Variants in URB1 observed in about 807,000 individuals in gnomAD.
The protein encoded by URB1 is nucleolar pre-ribosomal-associated protein 1.
Under a neutral mutation model 242.3 loss-of-function variants are expected in URB1, and 197 were observed. The ratio of observed to expected loss-of-function variants is 0.81; its 90% CI spans 0.72 to 0.91. URB1 has a LOEUF of 0.91. URB1 is among the 40% of genes least tolerant of loss of function. URB1 has a pLI of 0.00. For synonymous variants in URB1, 1,153 were observed against 1,201.8 expected, an observed-to-expected ratio of 0.96 and a Z score of 0.84; for missense variants, 2,721 against 2,860.5, an observed-to-expected ratio of 0.95 and a Z score of 1.11.
chr21:32,350,436 G>A (rs1427507556), intron 20 of URB1, among the ~76,000 whole-genome samples: 1 of 152,218 alleles, frequency 6.6e-6, no homozygotes, highest in African/African-American at 2.4e-5. Context: ...CAAAGGCCCG[G>A]CAGGGCTGCC....
At chr21:32,370,989 T>G (rs1043099813) in intron 8 of URB1, among the ~76,000 whole-genome samples, 1 of 152,138 alleles carries the variant, frequency 6.6e-6, no homozygotes, top group African/African-American at 2.4e-5. Context: ...AATCTGATAA[T>G]GAACAAGCAA....
intron 21 of URB1, 93 bp downstream of exon 21, chr21:32,349,211 A>G: frequency 7.1e-7 from 1 of 1,409,974 alleles, no homozygotes; most frequent in Non-Finnish European, 9.3e-7. Flanking sequence ...CAATTTTCCC[A>G]CAATGGACCT....
rs571286620 is a variant in URB1, at chr21:32,392,975, C to T, written c.-65G>A. 2.2e-4 allele frequency: 312 copies of T among 1,419,864 alleles called. No individual in the cohort carries two copies. The highest frequency in any genetic ancestry group is 2.7e-4 in the Non-Finnish European group (291 of 1,087,212). The allele number at this position is 1,419,864 out of a possible 1,614,324, so 88.0% of individuals were successfully genotyped here. A position where few individuals can be genotyped will look rare whatever the true frequency, so the allele number is the denominator to read the frequency against. ...AGGGGACCCGGCAGGAGCACTGGCA[C>T]AGACAGCAGACACGCGCTTCAGGCC... On this transcript the variant is annotated 5_prime_UTR_variant, in exon 1 of 39. The change creates a new upstream start codon in the 5' untranslated region. Coordinates refer to ENST00000382751, the MANE Select transcript of URB1 (RefSeq NM_014825.3).
At chr21:32,379,782 G>T (rs2146050588) in intron 4 of URB1, among the ~76,000 whole-genome samples, 1 of 152,264 alleles carries the variant, frequency 6.6e-6, no homozygotes, top group South Asian at 2.1e-4. Context: ...TTGAGGTTAG[G>T]AGTTCGAAAC....
intron 4 of URB1, among the ~76,000 whole-genome samples, chr21:32,381,366 A>G (rs1167639139): frequency 6.6e-6 from 1 of 151,970 alleles, no homozygotes; most frequent in East Asian, 1.9e-4. Context: ...AATATTATCT[A>G]TAACCCTCCT....
intron 6 of URB1, among the ~76,000 whole-genome samples, chr21:32,374,854 A>C (rs893322855): frequency 6.6e-6 from 1 of 152,224 alleles, no homozygotes; most frequent in African/African-American, 2.4e-5. Context: ...TCTTTAAAAT[A>C]CTTCGAAAAT....
chr21:32,346,982 C>T lies in URB1; in HGVS notation c.3842G>A (p.Arg1281Gln), dbSNP rs758585848. Residue 1281 changes from arginine (R) to glutamine (Q), a missense_variant, in exon 22 of 39, where the codon CGG (arginine) becomes CAG (glutamine). Arg to Gln is a conservative substitution (Grantham distance 43, BLOSUM62 1). Transcript: ENST00000382751. ...LIHVYLQCRT[R>Q]SHFTRPAGVS... ...TCCTGCTGGGCGTGTGAAGTGGCTC[C>T]GTGTCCTGCACTGGAGGTACACATG... The T allele has an allele frequency of 6.5e-6, 10 of 1,526,908 alleles. No homozygotes were observed. Among genetic ancestry groups the T allele is most frequent in the Admixed American group, 4.0e-5 (2 of 49,870 alleles). 94.6% of individuals were successfully genotyped at this position (1,526,908 alleles called of 1,614,324 possible).
rs1426943061 is a variant in URB1, at chr21:32,347,767, C to A, written c.3057G>T (p.Leu1019=). 3 of 1,548,474 alleles carry A rather than the reference C, an allele frequency of 1.9e-6. No homozygotes were observed. The South Asian group carries it at 3.6e-5, about 18-fold the overall frequency. ...VLVAILRHPT[L]EGWFLALEQQ... ...GCTCCAGGGCCAGGAACCAGCCCTC[C>A]AGGGTGGGGTGCCTGAGGATGGCCA... is the stretch of plus-strand genomic sequence containing the variant. The change falls in exon 22 of 39, where the codon CTG becomes CTT. Residue 1019 remains leucine (L), a synonymous_variant. Transcript: ENST00000382751.
In URB1 at chr21:32,312,217, A is replaced by G. The variant is rs1249650559; in HGVS notation, c.*2701T>C. ...GTTGCTGAGTTTATTGAGCACACCT[A>G]GCCTGCTTGCTTACTGCTTATATTT... On this transcript the variant is annotated 3_prime_UTR_variant, in exon 39 of 39. Coordinates refer to ENST00000382751, the MANE Select transcript of URB1 (RefSeq NM_014825.3). 1.9e-5 allele frequency: 27 copies of G among 1,455,476 alleles called. No individual in the cohort carries two copies. The highest frequency in any genetic ancestry group is 2.4e-5 in the Admixed American group (1 of 41,212). 90.2% of individuals were successfully genotyped at this position (1,455,476 alleles called of 1,614,324 possible). A position where few individuals can be genotyped will look rare whatever the true frequency, so the allele number is the denominator to read the frequency against.
chr21:32,324,415 G>A (rs1038282513), intron 32 of URB1, 76 bp downstream of exon 32: 1 of 1,216,734 alleles, frequency 8.2e-7, no homozygotes, highest in Non-Finnish European at 1.2e-6. Flanking sequence ...CTATACCTGT[G>A]GGACTAATCC....
At chr21:32,333,449 T>G in intron 29 of URB1, 30 bp from the exon 30 acceptor site, 2 of 1,508,408 alleles carry the variant, frequency 1.3e-6, no homozygotes, top group Non-Finnish European at 1.8e-6. Flanking sequence ...CAAAAACGTG[T>G]GATTCAACCT....
rs371710252 is a variant in URB1, at chr21:32,311,404, C to CT, written c.*3513dup. The CT allele has an allele frequency of 1.6e-4, 69 of 440,376 alleles. No individual in the cohort carries two copies. The highest frequency in any genetic ancestry group is 1.3e-3 in the African/African-American group (67 of 50,886). The allele number at this position is 440,376 out of a possible 1,614,324, so 27.3% of individuals were successfully genotyped here. A position where few individuals can be genotyped will look rare whatever the true frequency, so the allele number is the denominator to read the frequency against. On this transcript the variant is annotated 3_prime_UTR_variant, in exon 39 of 39. Coordinates refer to ENST00000382751, the MANE Select transcript of URB1 (RefSeq NM_014825.3). The stretch of plus-strand genomic sequence containing the variant: ...CTGGATGGGAGGTCAACCTGCTCCC[C>CT]TCCACCCCCCACCCCCCCCATCCTA...
chr21:32,318,986 C>T lies in URB1; in HGVS notation c.5792+231G>A, dbSNP rs191412166. On this transcript the variant is annotated intron_variant, in intron 36 of 38. Coordinates refer to ENST00000382751, the MANE Select transcript of URB1 (RefSeq NM_014825.3). ...AATGTTAACAAGTATGTTAAGTTCT[C>T]GGGGTCTTGACAAGAAGCTTTATAA... Among the ~76,000 whole-genome samples the T allele has an allele frequency of 3.1e-4, 47 of 152,156 alleles. 1 individual carries two copies. The highest frequency in any genetic ancestry group is 5.4e-4 in the Non-Finnish European group (37 of 68,000).
At chr21:32,359,650 G>A (rs57832593) in intron 14 of URB1, 146 bp downstream of exon 14, 2 of 666,568 alleles carry the variant, frequency 3.0e-6, no homozygotes, top group Admixed American at 7.4e-5. Flanking sequence ...CAGGACCTCT[G>A]CTGTGGGTCT....
At chr21:32,376,141 A>C (rs772964705) in intron 5 of URB1, among the ~76,000 whole-genome samples, 2 of 152,230 alleles carry the variant, frequency 1.3e-5, no homozygotes, top group Non-Finnish European at 2.9e-5. Flanking sequence ...TAACAAACTA[A>C]TACAATTTCT....
At position 32,348,219 on chromosome 21, in the gene URB1, T is replaced by A. The variant is rs566485520; in HGVS notation, c.3013-408A>T. ...AACACCACCATGTGAGTAAGATCAA[T>A]CAGCTGCTGGCTTCTCCTCAGCGGC... On this transcript the variant is annotated intron_variant, in intron 21 of 38. Coordinates refer to ENST00000382751, the MANE Select transcript of URB1 (RefSeq NM_014825.3). 5.9e-5 allele frequency among the ~76,000 whole-genome samples: 9 copies of A among 152,314 alleles called. No homozygotes were observed. The East Asian group carries it at 1.7e-3, about 29-fold the overall frequency.
At chr21:32,327,342 G>GA (rs1354803199) in intron 30 of URB1, among the ~76,000 whole-genome samples, 1 of 151,820 alleles carries the variant, frequency 6.6e-6, no homozygotes, top group African/African-American at 2.4e-5. Flanking sequence ...AGTACTGTAA[G>GA]AAAAAAAACT....
At chr21:32,390,588 T>C (rs1036719865) in intron 1 of URB1, among the ~76,000 whole-genome samples, 2 of 152,234 alleles carry the variant, frequency 1.3e-5, no homozygotes, top group African/African-American at 2.4e-5. Context: ...TTCACTCTGA[T>C]GGTAGTTTCT....
In URB1 at chr21:32,322,556, G is replaced by T. The variant is rs143592667; in HGVS notation, c.5262C>A (p.Asn1754Lys). 2.6e-4 allele frequency: 402 copies of T among 1,552,046 alleles called. 1 individual carries two copies. The African/African-American group carries it at 5.1e-3, about 20-fold the overall frequency. Residue 1754 changes from asparagine to lysine, a missense_variant, in exon 33 of 39, where the codon AAC (asparagine) becomes AAA (lysine). Physicochemically the swap from Asn to Lys is moderately conservative, Grantham distance 94. Transcript: ENST00000382751. ...PEEHMYLKVS[N>K]FLLSHEYLNM... ...TCAAGTACTCATGCGACAGCAGGAA[G>T]TTGCTGACCTTCAGGTACATGTGCT...
Sources: allele counts gnomAD v4.1 joint callset (sites outside exome capture counted in the v4.1 genomes callset), GRCh38; gene constraint gnomAD v4.1.1; transcripts MANE v1.5; gene names NCBI Gene and HGNC (gene_info 2026-07-23, HGNC 2026-07-21).